The following CSMD1 variants were observed in gnomAD, a reference collection of about 807,000 sequenced individuals.
CSMD1 encodes CUB and sushi domain-containing protein 1.
Under a neutral mutation model 417.5 loss-of-function variants are expected in CSMD1, and 213 were observed. The observed-to-expected ratio is 0.51, with a 90% CI of 0.46 to 0.57. The LOEUF is 0.57. Ranked by LOEUF, CSMD1 falls within the 20% of genes least tolerant of loss-of-function variation. CSMD1 has a pLI of 0.00. For missense variants in CSMD1, 6,923 were observed against 4,529.7 expected, an observed-to-expected ratio of 1.53 and a Z score of -15.17; for synonymous variants, 2,862 against 1,736.8, an observed-to-expected ratio of 1.65 and a Z score of -16.11.
intron 26 of CSMD1, among the ~76,000 whole-genome samples, chr8:3,243,152 A>G (rs910392944): frequency 2.6e-5 from 4 of 152,182 alleles, no homozygotes; most frequent in African/African-American, 9.6e-5. Flanking sequence ...AGGTTGGAGA[A>G]GAGAGTAAGA....
intron 3 of CSMD1, among the ~76,000 whole-genome samples, chr8:4,329,383 G>C (rs1334799855): frequency 1.3e-5 from 2 of 152,038 alleles, no homozygotes; most frequent in Non-Finnish European, 2.9e-5. Context: ...CTGTCTCCCA[G>C]GTACAAGTGA....
At chr8:3,589,732 G>T (rs1800766666) in intron 8 of CSMD1, among the ~76,000 whole-genome samples, 2 of 152,138 alleles carry the variant, frequency 1.3e-5, no homozygotes, top group African/African-American at 4.8e-5. Context: ...CTTGAAAATT[G>T]TCTGGAGAGA....
intron 1 of CSMD1, among the ~76,000 whole-genome samples, chr8:4,925,284 C>G (rs148841005): frequency 0.012 from 1,353 of 112,684 alleles, 18 homozygotes; most frequent in African/African-American, 0.043. Flanking sequence ...CTCAAGAGTT[C>G]AACTTGAAGG....
intron 50 of CSMD1, among the ~76,000 whole-genome samples, chr8:3,030,782 G>C (rs952238170): frequency 6.6e-6 from 1 of 152,034 alleles, no homozygotes; most frequent in Non-Finnish European, 1.5e-5. Context: ...ACTACACCAA[G>C]CCTATATTCA....
At chr8:3,838,203 A>G (rs1201083433) in intron 5 of CSMD1, among the ~76,000 whole-genome samples, 1 of 152,060 alleles carries the variant, frequency 6.6e-6, no homozygotes, top group African/African-American at 2.4e-5. Flanking sequence ...TCCTATGGAT[A>G]GATAACTATG....
At chr8:4,067,804 T>C (rs970071732) in intron 3 of CSMD1, among the ~76,000 whole-genome samples, 1 of 152,112 alleles carries the variant, frequency 6.6e-6, no homozygotes, top group Non-Finnish European at 1.5e-5. Flanking sequence ...TGGGGCCAGA[T>C]ACAGTGGCTC....
intron 2 of CSMD1, among the ~76,000 whole-genome samples, chr8:4,487,919 A>C (rs573670098): frequency 6.6e-6 from 1 of 152,332 alleles, no homozygotes; most frequent in African/African-American, 2.4e-5. Context: ...CAAATGAATG[A>C]TATGAAACCC....
chr8:3,641,260 T>C (rs1228785014), intron 7 of CSMD1, among the ~76,000 whole-genome samples: 2 of 152,002 alleles, frequency 1.3e-5, no homozygotes, highest in Admixed American at 6.6e-5. Context: ...CCTGAGCAAA[T>C]CCAGGGGAGT....
chr8:3,538,207 G>C (rs536340105), intron 10 of CSMD1, among the ~76,000 whole-genome samples: 170 of 152,242 alleles, frequency 1.1e-3, no homozygotes, highest in Middle Eastern at 3.4e-3. Context: ...ATTCCCACTA[G>C]CACCATCAGC....
chr8:4,772,680 G>T (rs143060263), intron 1 of CSMD1, among the ~76,000 whole-genome samples: 2 of 152,150 alleles, frequency 1.3e-5, no homozygotes, highest in Admixed American at 1.3e-4. Flanking sequence ...CCATAAAAAT[G>T]TATCTGTGAA....
intron 5 of CSMD1, among the ~76,000 whole-genome samples, chr8:3,958,914 C>T (rs1159401939): frequency 6.6e-6 from 1 of 152,164 alleles, no homozygotes; most frequent in African/African-American, 2.4e-5. Context: ...TTCTAATATA[C>T]AATCATTTGT....
chr8:3,384,096 T>C (rs1810812617), intron 18 of CSMD1, among the ~76,000 whole-genome samples: 1 of 152,132 alleles, frequency 6.6e-6, no homozygotes, highest in African/African-American at 2.4e-5. Context: ...CTGGAAAAGT[T>C]CGTTTAGTGA....
chr8:3,125,614 T>C lies in CSMD1; in HGVS notation c.6242-7027A>G, dbSNP rs550828182. Among the ~76,000 whole-genome samples the C allele has an allele frequency of 3.3e-5, 5 of 152,348 alleles. No homozygotes were observed. In the East Asian group the frequency reaches 9.6e-4, roughly 29 times the overall value. ...ACTTCTGCATCCCCATACTGGGCAA[T>C]TCCTAAAGACTTCTGAAGGCATTCT... On this transcript the variant is annotated intron_variant, in intron 41 of 69. Coordinates refer to ENST00000635120, the MANE Select transcript of CSMD1 (RefSeq NM_033225.6).
intron 10 of CSMD1, among the ~76,000 whole-genome samples, chr8:3,516,703 T>C (rs999260491): frequency 1.3e-5 from 2 of 152,212 alleles, no homozygotes; most frequent in Non-Finnish European, 2.9e-5. Flanking sequence ...GAGAAAGTTC[T>C]TTGGTGGAGA....
chr8:3,392,759 A>G (rs925808828), intron 17 of CSMD1, among the ~76,000 whole-genome samples: 1 of 152,136 alleles, frequency 6.6e-6, no homozygotes, highest in Non-Finnish European at 1.5e-5. Flanking sequence ...TTAGTGCACT[A>G]TGATGTTTGA....
chr8:3,336,580 C>A (rs145776671), intron 23 of CSMD1, among the ~76,000 whole-genome samples: 2,064 of 152,266 alleles, frequency 0.014, 46 homozygotes, highest in African/African-American at 0.047. Flanking sequence ...AGGAAAGATG[C>A]TTTACCCCGC....
intron 1 of CSMD1, among the ~76,000 whole-genome samples, chr8:4,914,455 G>C (rs946546311): frequency 2.0e-5 from 3 of 151,960 alleles, no homozygotes; most frequent in Admixed American, 2.0e-4. Context: ...GCGGGCCCCT[G>C]TAGTCCCAGC....
intron 41 of CSMD1, chr8:3,128,747 T>A: frequency 2.5e-6 from 1 of 400,564 alleles, no homozygotes; most frequent in South Asian, 1.9e-5. Flanking sequence ...TATTTTTATA[T>A]CTCAGTGATA....
chr8:4,967,510 T>C, intron 1 of CSMD1, among the ~76,000 whole-genome samples: 1 of 152,170 alleles, frequency 6.6e-6, no homozygotes. Context: ...GAAATTACTA[T>C]TCCATACCTA....
Sources: gnomAD v4.1 joint callset for allele counts (sites outside exome capture counted in the v4.1 genomes callset) on GRCh38, gnomAD v4.1.1 for gene constraint, MANE v1.5 for transcripts, NCBI Gene and HGNC (gene_info 2026-07-23, HGNC 2026-07-21) for gene names.